Variants in ZNF217 observed in about 807,000 individuals in gnomAD.
ZNF217 encodes the protein zinc finger protein 217.
A neutral mutation model predicts 73.3 loss-of-function variants in ZNF217; 12 were observed. That is an observed-to-expected ratio of 0.16 (90% CI 0.10 to 0.27). The LOEUF (loss-of-function observed/expected upper bound fraction) is 0.27. ZNF217 is among the 10% of genes least tolerant of loss of function. The pLI is 1.00. For synonymous variants in ZNF217, 588 were observed against 516.4 expected (o/e 1.14, Z -1.88); for missense variants, 1,195 against 1,327.8 (o/e 0.90, Z 1.55).
In ZNF217 at chr20:53,568,393, T is replaced by A. The variant is rs1341150979; in HGVS notation, c.*895A>T. On this transcript the variant is annotated 3_prime_UTR_variant, in exon 6 of 6. Coordinates refer to ENST00000371471, the MANE Select transcript of ZNF217 (RefSeq NM_006526.3). ...CCGCCACTGAATCGTCCAACAAAAATGATTAATTTGACAGAAACAAATTTA... is the reference window on the plus strand; with the variant it reads ...CCGCCACTGAATCGTCCAACAAAAAAGATTAATTTGACAGAAACAAATTTA... 6.6e-6 allele frequency: 1 copy of A among 152,182 alleles called. No homozygotes were observed. The highest frequency in any genetic ancestry group is 1.9e-4 in the East Asian group (1 of 5,208). The allele number at this position is 152,182 out of a possible 1,614,324, so 9.4% of individuals were successfully genotyped here.
chr20:53,579,591 AT>A (rs1292763156), intron 2 of ZNF217, among the ~76,000 whole-genome samples: 1 of 152,198 alleles, frequency 6.6e-6, no homozygotes, highest in Admixed American at 6.5e-5. Context: ...ATGTGTCAGG[AT>A]TTATGGTATG....
upstream of ZNF217, among the ~76,000 whole-genome samples, chr20:53,596,333 A>G (rs1989041656): frequency 6.6e-6 from 1 of 152,270 alleles, no homozygotes; most frequent in South Asian, 2.1e-4. Context: ...AGTTTTATTT[A>G]TATGTGATCC....
chr20:53,581,981 C>T lies in ZNF217; in HGVS notation c.846G>A (p.Lys282=), dbSNP rs897677828. ...CGAGCTGAGGGATGCATCTGACAGG[C>T]TTCTTCCCCGTTTCAGGGTGAGATT... ...RPKSHPETGK[K]PVRCIPQLDP... The change falls in exon 2 of 6, where the codon AAG becomes AAA. Residue 282 remains lysine, a synonymous_variant. Coordinates refer to ENST00000371471, the MANE Select transcript of ZNF217 (RefSeq NM_006526.3). The surrounding 1 kb of genome is among the most constrained non-coding windows in gnomAD (Gnocchi z 4.9). 3.3e-5 allele frequency: 54 copies of T among 1,614,066 alleles called. No individual in the cohort carries two copies. The East Asian group carries it at 1.2e-3, about 35-fold the overall frequency.
chr20:53,572,003 C>G, intron 4 of ZNF217, 150 bp from the exon 5 acceptor site: 1 of 775,922 alleles, frequency 1.3e-6, no homozygotes. Context: ...TTTTCAGTTA[C>G]AGCTGAATTG....
rs759775963 is a variant in ZNF217, at chr20:53,581,693, G to A, written c.1134C>T (p.Ser378=). The A allele has an allele frequency of 2.0e-5, 32 of 1,614,126 alleles. No homozygotes were observed. The highest frequency in any genetic ancestry group is 2.6e-5 in the Non-Finnish European group (31 of 1,180,052). ...PSSKEKPTHC[S]ECGKAFRTYH... ...AGGTTCTGAAAGCTTTGCCGCACTC[G>A]GAGCAGTGAGTGGGCTTCTCCTTGC... Residue 378 remains serine (S), a synonymous_variant, in exon 2 of 6, where the codon TCC becomes TCT. Coordinates refer to ENST00000371471, the MANE Select transcript of ZNF217 (RefSeq NM_006526.3). The surrounding 1 kb of genome is among the most constrained non-coding windows in gnomAD (Gnocchi z 4.9).
At chr20:53,573,374 C>T (rs958282395) in intron 4 of ZNF217, among the ~76,000 whole-genome samples, 1 of 152,138 alleles carries the variant, frequency 6.6e-6, no homozygotes, top group East Asian at 1.9e-4. Flanking sequence ...CGTGAGCCAC[C>T]GCAACTGGCC....
At position 53,581,798 on chromosome 20, in the gene ZNF217, G is replaced by T. The variant is rs1312930983; in HGVS notation, c.1029C>A (p.Gly343=). ...LGETNKGSCA[G]LSQEKEKCKH... is the part of the protein sequence containing the mutation. ...TGCACTTCTCTTTCTCTTGCGAGAG[G>T]CCTGCACAACTGCCCTTATTTGTTT... Residue 343 remains glycine (G), a synonymous_variant, in exon 2 of 6, where the codon GGC becomes GGA. Transcript: ENST00000371471. This position sits in a 1 kb window ranked among gnomAD's most constrained non-coding sequence, Gnocchi z 4.9. The T allele has an allele frequency of 6.2e-7, 1 of 1,614,244 alleles. No individual in the cohort carries two copies. Among genetic ancestry groups the T allele is most frequent in the South Asian group, 1.1e-5 (1 of 91,088 alleles).
Position 53,581,396 on chromosome 20 carries a change from AG to A in ZNF217, c.1366+64del. 6.6e-7 allele frequency: 1 copy of A among 1,525,174 alleles called. No individual in the cohort carries two copies. The highest frequency in any genetic ancestry group is 8.8e-7 in the Non-Finnish European group (1 of 1,139,910). The allele number at this position is 1,525,174 out of a possible 1,614,324, so 94.5% of individuals were successfully genotyped here. ...GCGTTGTCTGGAGATGGGAATAGAG[AG>A]GGGGAGACGGGGAGACAGACAGACA... On this transcript the variant is annotated intron_variant, in intron 2 of 5. Coordinates refer to ENST00000371471, the MANE Select transcript of ZNF217 (RefSeq NM_006526.3). This position sits in a 1 kb window ranked among gnomAD's most constrained non-coding sequence, Gnocchi z 4.9.
rs773385762 is a variant in ZNF217 at position 53,577,050 on chromosome 20, G to C, written c.1714C>G (p.Pro572Ala). 3.1e-6 allele frequency: 5 copies of C among 1,614,212 alleles called. No individual in the cohort carries two copies. The South Asian group carries it at 3.3e-5, about 11-fold the overall frequency. ...DGAKDVTGSP[P>A]AKQLKEMPSV... is the part of the protein sequence containing the mutation. ...GGCATCTCCTTAAGCTGCTTTGCAG[G>C]TGGACTGCCTGTAACATCTTTGGCA... Residue 572 changes from proline (P) to alanine (A), a missense_variant, in exon 4 of 6, where the codon CCT becomes GCT. Coordinates refer to ENST00000371471, the MANE Select transcript of ZNF217 (RefSeq NM_006526.3).
rs1203848951 is a variant in ZNF217, at chr20:53,575,768, C to A, written c.2996G>T (p.Cys999Phe). Residue 999 changes from cysteine to phenylalanine, a missense_variant, in exon 4 of 6, where the codon TGT becomes TTT. Physicochemically the swap from Cys to Phe is radical, Grantham distance 205. Around this residue, in one of 9 missense-constraint regions of ZNF217, gnomAD observed 649 missense variants for 642.8 expected, o/e 1.01. Coordinates refer to ENST00000371471, the MANE Select transcript of ZNF217 (RefSeq NM_006526.3). The stretch of plus-strand genomic sequence containing the variant: ...GGATGCTGGACTACCAGCAGGCACA[C>A]AAGTGTAAAGTGGCCCGGAGCCACC... ...PYGGSGPLYT[C>F]VPAGSPASSS... The A allele has an allele frequency of 1.9e-6, 3 of 1,604,032 alleles. No individual in the cohort carries two copies. The highest frequency in any genetic ancestry group is 3.4e-5 in the Admixed American group (2 of 58,306).
At position 53,582,687 on chromosome 20, in the gene ZNF217, G is replaced by T. The variant is rs1438780378; in HGVS notation, c.140C>A (p.Pro47Gln). The change falls in exon 2 of 6, where the codon CCA becomes CAA. Residue 47 changes from proline to glutamine, a missense_variant. By Grantham distance (76) the Pro-to-Gln change is moderately conservative. Around this residue, in one of 9 missense-constraint regions of ZNF217, gnomAD observed 147 missense variants for 184.3 expected, o/e 0.80. Coordinates refer to ENST00000371471, the MANE Select transcript of ZNF217 (RefSeq NM_006526.3). The surrounding 1 kb of genome is among the most constrained non-coding windows in gnomAD (Gnocchi z 4.8). ...ATTTTTTTCTTGTGTAGCTCGGAAT[G>T]GAACAACAGCGGTCCCTTTCATTGA... ...ALSMKGTAVV[P>Q]FRATQEKNVI... 3.1e-6 allele frequency: 5 copies of T among 1,614,070 alleles called. No individual in the cohort carries two copies. Among genetic ancestry groups the T allele is most frequent in the Admixed American group, 1.7e-5 (1 of 60,004 alleles).
chr20:53,571,638 C>G, intron 5 of ZNF217, 83 bp downstream of exon 5: 1 of 1,465,224 alleles, frequency 6.8e-7, no homozygotes, highest in Non-Finnish European at 9.0e-7. Context: ...AATGCTCGAT[C>G]TCAGGTGATC....
At chr20:53,571,652 C>T in intron 5 of ZNF217, 69 bp downstream of exon 5, 2 of 1,515,960 alleles carry the variant, frequency 1.3e-6, no homozygotes, top group Non-Finnish European at 1.8e-6. Flanking sequence ...GGTGATCCGC[C>T]CGCCCTGACC....
intron 1 of ZNF217, among the ~76,000 whole-genome samples, chr20:53,586,553 A>G (rs1447510554): frequency 6.6e-6 from 1 of 152,194 alleles, no homozygotes. Context: ...CTCTGACAGC[A>G]AATGCCTTCA....
chr20:53,594,534 G>A (rs1348769877), upstream of ZNF217, among the ~76,000 whole-genome samples: 2 of 151,442 alleles, frequency 1.3e-5, no homozygotes, highest in African/African-American at 2.4e-5. Flanking sequence ...CGCGCGCGCC[G>A]TGCCACCCTC....
intron 1 of ZNF217, among the ~76,000 whole-genome samples, chr20:53,590,135 C>T (rs939497179): frequency 6.6e-6 from 1 of 152,096 alleles, no homozygotes; most frequent in South Asian, 2.1e-4. Context: ...ATTGTAGTAA[C>T]TGGATTTAAA....
chr20:53,595,061 A>AAAC, upstream of ZNF217, among the ~76,000 whole-genome samples: 1 of 150,818 alleles, frequency 6.6e-6, no homozygotes, highest in East Asian at 1.9e-4. Flanking sequence ...AAAAAAAAAA[A>AAAC]AAAACCGCTA....
In ZNF217 at chr20:53,581,469, A is replaced by T. The variant is rs759211573; in HGVS notation, c.1358T>A (p.Ile453Asn). ...DGSEDGLPEGIHLDKNDDGGK... is the reference protein window; with the variant it reads ...DGSEDGLPEGNHLDKNDDGGK... ...GAGACAGGGCAGCTTACCCAGATGG[A>T]TTCCTTCGGGAAGCCCATCCTCAGA... The change falls in exon 2 of 6, where the codon ATC (isoleucine) becomes AAC (asparagine). Residue 453 changes from isoleucine to asparagine, a missense_variant. By Grantham distance (149) the Ile-to-Asn change is moderately radical (BLOSUM62 -3). Around this residue, in one of 9 missense-constraint regions of ZNF217, gnomAD observed 116 missense variants for 121.9 expected, o/e 0.95. Transcript: ENST00000371471. This position sits in a 1 kb window ranked among gnomAD's most constrained non-coding sequence, Gnocchi z 4.9. 1 of 1,607,286 alleles carries T rather than the reference A, an allele frequency of 6.2e-7. No homozygotes were observed. The highest frequency in any genetic ancestry group is 8.5e-7 in the Non-Finnish European group (1 of 1,175,216).
chr20:53,571,689 A>G (rs1256774482), intron 5 of ZNF217, 32 bp downstream of exon 5: 2 of 1,596,612 alleles, frequency 1.3e-6, no homozygotes, highest in African/African-American at 2.7e-5. Context: ...CACTCAGCCA[A>G]TCCAGTGTTT....
Sources: gnomAD v4.1 joint callset for allele counts (sites outside exome capture counted in the v4.1 genomes callset) on GRCh38, gnomAD v4.1.1 for gene constraint, gnomAD v4.1.1 regional missense constraint, Gnocchi (gnomAD v3.1) non-coding constraint, MANE v1.5 for transcripts, NCBI Gene and HGNC (gene_info 2026-07-23, HGNC 2026-07-21) for gene names.